Variants in TSC22D2 observed in about 807,000 individuals in gnomAD.
The protein encoded by TSC22D2 is TSC22 domain family protein 2.
TSC22D2 carries 5 observed loss-of-function variants against 50.1 expected under a neutral mutation model. That is an observed-to-expected ratio of 0.10 (90% CI 0.05 to 0.21). TSC22D2 has a LOEUF of 0.21. TSC22D2 is among the 10% of genes least tolerant of loss of function. The pLI, the probability that TSC22D2 is intolerant of heterozygous loss-of-function variation, is 1.00. For synonymous variants in TSC22D2, 501 were observed against 450.1 expected, an observed-to-expected ratio of 1.11 and a Z score of -1.43; for missense variants, 1,003 against 1,015.5, an observed-to-expected ratio of 0.99 and a Z score of 0.17.
chr3:150,434,951 TTATGTGTCTTTTTA>T (rs1173444664), intron 1 of TSC22D2, among the ~76,000 whole-genome samples: 6 of 152,050 alleles, frequency 3.9e-5, no homozygotes, highest in East Asian at 1.9e-4. Context: ...TCATTGTGTG[TTATGTGTCTTTTTA>T]TATGTGTCTT....
rs748097941 is a variant in TSC22D2, at chr3:150,409,877, G to T, written c.527G>T (p.Arg176Ile). The change falls in exon 1 of 3, where the codon AGA becomes ATA. Residue 176 changes from arginine to isoleucine, a missense_variant. By Grantham distance (97) the Arg-to-Ile change is moderately conservative. Coordinates refer to ENST00000688009, the MANE Select transcript of TSC22D2 (RefSeq NM_001303264.2). The surrounding 1 kb of genome is among the most constrained non-coding windows in gnomAD (Gnocchi z 7.4). ...GACCACGGGAGCGGAGAGCCCTATA[G>T]ACGCGGCCGATGGACGTGTATGGAA... The part of the protein sequence containing the change: ...KLDHGSGEPY[R>I]RGRWTCMEYY... 5 of 1,612,586 alleles carry T rather than the reference G, an allele frequency of 3.1e-6. No homozygotes were observed. The highest frequency in any genetic ancestry group is 3.4e-6 in the Non-Finnish European group (4 of 1,180,036).
At chr3:150,439,920 G>A (rs1269023278) in intron 1 of TSC22D2, among the ~76,000 whole-genome samples, 1 of 152,140 alleles carries the variant, frequency 6.6e-6, no homozygotes, top group Admixed American at 6.5e-5. Context: ...TAGGAATTTC[G>A]TACTGTCAGT....
At chr3:150,423,325 G>T in intron 1 of TSC22D2, 1 of 354,484 alleles carries the variant, frequency 2.8e-6, no homozygotes, top group Non-Finnish European at 5.1e-6. Flanking sequence ...TGCATCCTGT[G>T]TACTTTAAGT....
In TSC22D2 at chr3:150,458,765, G is replaced by A; in HGVS notation, c.*129G>A. On this transcript the variant is annotated 3_prime_UTR_variant, in exon 3 of 3. Transcript: ENST00000688009. ...TGTGTGTTTGGCCTTTTCAGTATTA[G>A]ACAATCATTCTACAAGAGCTTTTCC... 1 of 1,200,018 alleles carries A rather than the reference G, an allele frequency of 8.3e-7. No homozygotes were observed. The highest frequency in any genetic ancestry group is 2.5e-5 in the East Asian group (1 of 40,136). 74.3% of individuals were successfully genotyped at this position (1,200,018 alleles called of 1,614,324 possible). A position where few individuals can be genotyped will look rare whatever the true frequency, so the allele number is the denominator to read the frequency against.
Position 150,431,224 on chromosome 3 carries a change from C to CAAAAAAAAAAAAAAAA in TSC22D2, c.1958+19928_1958+19943dup, listed in dbSNP as rs71138443. On this transcript the variant is annotated intron_variant, in intron 1 of 2. Transcript: ENST00000688009. ...TGGGTGACAGAGTGAGGCTCTGTCT[C>CAAAAAAAAAAAAAAAA]AAAAAAAAAAAAAAAAAAAAAAAAA... is the stretch of plus-strand genomic sequence containing the variant. Among the ~76,000 whole-genome samples the CAAAAAAAAAAAAAAAA allele has an allele frequency of 5.4e-4, 15 of 27,970 alleles. 3 individuals are homozygous for CAAAAAAAAAAAAAAAA. Among genetic ancestry groups the CAAAAAAAAAAAAAAAA allele is most frequent in the African/African-American group, 2.5e-3 (15 of 6,090 alleles). 18.3% of individuals were successfully genotyped at this position (27,970 alleles called of 152,430 possible).
At position 150,410,646 on chromosome 3, in the gene TSC22D2, G is replaced by T. The variant is rs1381729721; in HGVS notation, c.1296G>T (p.Gln432His). The T allele has an allele frequency of 2.6e-6, 4 of 1,552,940 alleles. No individual in the cohort carries two copies. Among genetic ancestry groups the T allele is most frequent in the Non-Finnish European group, 3.5e-6 (4 of 1,151,610 alleles). ...VGAQLMGASS[Q>H]PSEAMAPRTG... ...CGCAGCTCATGGGCGCGTCTTCCCA[G>T]CCCAGCGAAGCCATGGCCCCCCGGA... Residue 432 changes from glutamine (Q) to histidine (H), a missense_variant, in exon 1 of 3, where the codon CAG becomes CAT. Coordinates refer to ENST00000688009, the MANE Select transcript of TSC22D2 (RefSeq NM_001303264.2).
chr3:150,410,507 C>T lies in TSC22D2; in HGVS notation c.1157C>T (p.Ala386Val). Residue 386 changes from alanine (A) to valine (V), a missense_variant, in exon 1 of 3, where the codon GCC becomes GTC. Transcript: ENST00000688009. ...AGTGAGTACCTGCAGCAGCACGTGGCCGGCCTGCAGCCGCCAAGCCCCGCG... is the reference window on the plus strand; with the variant it reads ...AGTGAGTACCTGCAGCAGCACGTGGTCGGCCTGCAGCCGCCAAGCCCCGCG... ...GQSEYLQQHV[A>V]GLQPPSPAQP... The T allele has an allele frequency of 1.3e-6, 2 of 1,594,986 alleles. No individual in the cohort carries two copies. Among genetic ancestry groups the T allele is most frequent in the South Asian group, 2.3e-5 (2 of 88,758 alleles).
chr3:150,433,655 T>C (rs958669555), intron 1 of TSC22D2, among the ~76,000 whole-genome samples: 3 of 152,254 alleles, frequency 2.0e-5, no homozygotes, highest in Admixed American at 6.5e-5. Context: ...TGTTTTTATT[T>C]TGGATAGTAC....
chr3:150,451,714 C>T (rs1420466930), intron 1 of TSC22D2, among the ~76,000 whole-genome samples: 1 of 152,148 alleles, frequency 6.6e-6, no homozygotes, highest in Non-Finnish European at 1.5e-5. Context: ...GAGAATGTTG[C>T]TCAGGCTTAT....
intron 1 of TSC22D2, among the ~76,000 whole-genome samples, chr3:150,444,389 G>A (rs1033622867): frequency 6.6e-6 from 1 of 152,120 alleles, no homozygotes; most frequent in African/African-American, 2.4e-5. Context: ...TATATGCAGA[G>A]TAGTGTTGTA....
At position 150,410,334 on chromosome 3, in the gene TSC22D2, T is replaced by A. The variant is rs751398384; in HGVS notation, c.984T>A (p.Asn328Lys). Residue 328 changes from asparagine (N) to lysine (K), a missense_variant, in exon 1 of 3, where the codon AAT (asparagine) becomes AAA (lysine). By Grantham distance (94) the Asn-to-Lys change is moderately conservative (BLOSUM62 0). Coordinates refer to ENST00000688009, the MANE Select transcript of TSC22D2 (RefSeq NM_001303264.2). ...GPGGQTLPPTNVTLAQPAMSL... is the reference protein window; with the variant it reads ...GPGGQTLPPTKVTLAQPAMSL... ...GGGGACAGACTCTGCCGCCGACGAATGTAACCCTGGCGCAGCCGGCTATGT... is the reference window on the plus strand; with the variant it reads ...GGGGACAGACTCTGCCGCCGACGAAAGTAACCCTGGCGCAGCCGGCTATGT... 3 of 1,588,266 alleles carry A rather than the reference T, an allele frequency of 1.9e-6. No individual in the cohort carries two copies. The highest frequency in any genetic ancestry group is 2.6e-6 in the Non-Finnish European group (3 of 1,166,932).
rs546983614 is a variant in TSC22D2 at position 150,409,275 on chromosome 3, C to G, written c.-76C>G. ...GACTCGGACTTTGTCTTTGGGGGCCCGTGCTCTGCCCTCCCCGGTTTCCGA... is the reference window on the plus strand; with the variant it reads ...GACTCGGACTTTGTCTTTGGGGGCCGGTGCTCTGCCCTCCCCGGTTTCCGA... On this transcript the variant is annotated 5_prime_UTR_variant, in exon 1 of 3. Transcript: ENST00000688009. The surrounding 1 kb of genome is among the most constrained non-coding windows in gnomAD (Gnocchi z 7.4). 2.4e-4 allele frequency: 350 copies of G among 1,482,932 alleles called. No homozygotes were observed. The highest frequency in any genetic ancestry group is 3.0e-4 in the Non-Finnish European group (334 of 1,107,228). The allele number at this position is 1,482,932 out of a possible 1,614,324, so 91.9% of individuals were successfully genotyped here.
At chr3:150,432,309 C>T (rs144137950) in intron 1 of TSC22D2, among the ~76,000 whole-genome samples, 1,606 of 152,170 alleles carry the variant, frequency 0.011, 26 homozygotes, top group African/African-American at 0.037. Flanking sequence ...ACCTAAGTCA[C>T]CCCAGCCTAT....
chr3:150,438,623 G>A (rs1427978432), intron 1 of TSC22D2, among the ~76,000 whole-genome samples: 1 of 152,034 alleles, frequency 6.6e-6, no homozygotes, highest in East Asian at 1.9e-4. Context: ...TATTGCTATT[G>A]CATCTGCTGT....
At chr3:150,438,096 A>G in intron 1 of TSC22D2, 1 of 239,952 alleles carries the variant, frequency 4.2e-6, no homozygotes, top group Admixed American at 4.5e-5. Context: ...TTTAAAGTAC[A>G]AAATATCAGT....
At chr3:150,421,119 A>C (rs1419810385) in intron 1 of TSC22D2, among the ~76,000 whole-genome samples, 1 of 152,214 alleles carries the variant, frequency 6.6e-6, no homozygotes, top group Non-Finnish European at 1.5e-5. Context: ...CTTTTAAAGA[A>C]TATCATCCTT....
intron 1 of TSC22D2, among the ~76,000 whole-genome samples, chr3:150,415,676 C>T (rs1338559779): frequency 6.6e-6 from 1 of 152,070 alleles, no homozygotes; most frequent in African/African-American, 2.4e-5. Flanking sequence ...TTAGCCAGGT[C>T]TGGAGGCCAA....
At chr3:150,443,736 T>C (rs2108092092) in intron 1 of TSC22D2, among the ~76,000 whole-genome samples, 1 of 152,322 alleles carries the variant, frequency 6.6e-6, no homozygotes, top group South Asian at 2.1e-4. Context: ...TTTGATTCAG[T>C]AGAGAGTGAG....
chr3:150,409,340 C>A lies in TSC22D2; in HGVS notation c.-11C>A. 1 of 1,587,100 alleles carries A rather than the reference C, an allele frequency of 6.3e-7. No homozygotes were observed. Among genetic ancestry groups the A allele is most frequent in the Admixed American group, 1.7e-5 (1 of 58,176 alleles). On this transcript the variant is annotated 5_prime_UTR_variant, in exon 1 of 3. Coordinates refer to ENST00000688009, the MANE Select transcript of TSC22D2 (RefSeq NM_001303264.2). The surrounding 1 kb of genome is among the most constrained non-coding windows in gnomAD (Gnocchi z 7.4). ...GCCGGCGTGCCTCTCTGCCCTCCAGCCTTCTTCACCATGTCCAAGATGCCG... is the reference window on the plus strand; with the variant it reads ...GCCGGCGTGCCTCTCTGCCCTCCAGACTTCTTCACCATGTCCAAGATGCCG...
Sources: allele counts gnomAD v4.1 joint callset (sites outside exome capture counted in the v4.1 genomes callset), GRCh38; gene constraint gnomAD v4.1.1; non-coding constraint Gnocchi (gnomAD v3.1); transcripts MANE v1.5; gene names NCBI Gene and HGNC (gene_info 2026-07-23, HGNC 2026-07-21).